CD99L2: variants seen among roughly 807,000 people sequenced by gnomAD.
CD99L2 encodes the protein CD99 antigen-like protein 2.
Under a neutral mutation model 27.3 loss-of-function variants are expected in CD99L2, and 24 were observed. The observed-to-expected ratio is 0.88, with a 90% CI of 0.64 to 1.24. The LOEUF is 1.24. Ranked by LOEUF, CD99L2 falls within the 50% of genes most tolerant of loss-of-function variation. The probability of loss-of-function intolerance (pLI) is 0.00; values close to 1 mark genes in which losing one functional copy is unlikely to be tolerated. For synonymous variants in CD99L2, 97 were observed against 87.9 expected (o/e 1.10, Z -0.58); for missense variants, 255 against 221.6 (o/e 1.15, Z -0.96).
At position 150,795,414 on chromosome X, in the gene CD99L2, T is replaced by A. The variant is rs1557419878; in HGVS notation, c.346+4A>T. The stretch of plus-strand genomic sequence containing the variant: ...TACTACTCTCCTCAGAGCGGCCACC[T>A]TACCTAAAGTATTTGCTGGAGCTCT... On this transcript the variant is annotated splice_donor_region_variant and intron_variant, in intron 5 of 10. Transcript: ENST00000370377. The A allele has an allele frequency of 8.3e-7, 1 of 1,211,557 alleles. No homozygotes were observed. Among genetic ancestry groups the A allele is most frequent in the Admixed American group, 2.2e-5 (1 of 46,040 alleles).
intron 2 of CD99L2, chrX:150,818,875 G>C: frequency 2.6e-6 from 1 of 379,011 alleles, no homozygotes; most frequent in South Asian, 2.4e-5. Flanking sequence ...TCTGAGCACT[G>C]GAGAGAAAGG....
At chrX:150,847,453 G>A (rs1296748935) in intron 1 of CD99L2, among the ~76,000 whole-genome samples, 3 of 111,650 alleles carry the variant, frequency 2.7e-5, no homozygotes, top group African/African-American at 9.8e-5. Context: ...AATTTGGGAA[G>A]TATCATTCCA....
At chrX:150,878,638 C>CT (rs200661422) in intron 1 of CD99L2, among the ~76,000 whole-genome samples, 14 of 110,760 alleles carry the variant, frequency 1.3e-4, no homozygotes, top group Admixed American at 4.8e-4. Flanking sequence ...TCCCAACGGA[C>CT]TTTTTTTAAA....
At chrX:150,884,996 GA>G (rs1189981823) in intron 1 of CD99L2, among the ~76,000 whole-genome samples, 1 of 112,288 alleles carries the variant, frequency 8.9e-6, no homozygotes, top group African/African-American at 3.2e-5. Context: ...AATGTTGGGG[GA>G]AAGACAAAAC....
At chrX:150,859,365 G>A (rs1406918039) in intron 1 of CD99L2, among the ~76,000 whole-genome samples, 2 of 110,966 alleles carry the variant, frequency 1.8e-5, no homozygotes, top group African/African-American at 6.5e-5. Flanking sequence ...CAGGCATGGT[G>A]GCACGCAGCT....
At chrX:150,781,159 G>A (rs782783774) in intron 7 of CD99L2, among the ~76,000 whole-genome samples, 2 of 112,097 alleles carry the variant, frequency 1.8e-5, no homozygotes, top group South Asian at 7.4e-4. Context: ...ATAATATAAT[G>A]TAACCACTGA....
chrX:150,863,551 T>C (rs1439738075), intron 1 of CD99L2, among the ~76,000 whole-genome samples: 2 of 111,897 alleles, frequency 1.8e-5, no homozygotes, highest in African/African-American at 3.2e-5. Context: ...TGGCTCATGA[T>C]TGGGGCATGA....
intron 1 of CD99L2, among the ~76,000 whole-genome samples, chrX:150,852,715 T>C (rs2046811911): frequency 9.0e-6 from 1 of 110,734 alleles, no homozygotes; most frequent in South Asian, 3.9e-4. Flanking sequence ...ATCCAGTACA[T>C]GCTCTTTCAT....
intron 2 of CD99L2, among the ~76,000 whole-genome samples, chrX:150,820,499 T>A (rs1449982054): frequency 2.7e-5 from 3 of 111,795 alleles, no homozygotes; most frequent in African/African-American, 9.7e-5. Flanking sequence ...GTTAACTTCC[T>A]AGAAATAAAA....
rs1287261403 is a variant in CD99L2, at chrX:150,771,748, A to G, written c.656-1379T>C. The G allele has an allele frequency of 2.6e-6, 3 of 1,132,999 alleles. No homozygotes were observed. The East Asian group carries it at 9.8e-5, about 37-fold the overall frequency. The allele number at this position is 1,132,999 out of a possible 1,213,427, so 93.4% of individuals were successfully genotyped here. On this transcript the variant is annotated intron_variant, in intron 9 of 10. Transcript: ENST00000370377. ...AAGGAAGCGCCAGAGCAGGGGGCGA[A>G]TGAGGAAGCATCAAGGCTGAAGCAA...
chrX:150,854,004 C>T (rs1245640897), intron 1 of CD99L2, among the ~76,000 whole-genome samples: 1 of 111,489 alleles, frequency 9.0e-6, no homozygotes, highest in Non-Finnish European at 1.9e-5. Flanking sequence ...GTCAGATAGG[C>T]AAGATGTACC....
At chrX:150,789,498 G>T (rs1017588127) in intron 7 of CD99L2, among the ~76,000 whole-genome samples, 1 of 111,898 alleles carries the variant, frequency 8.9e-6, no homozygotes, top group Non-Finnish European at 1.9e-5. Flanking sequence ...CCAAATCTGT[G>T]GCTTGTCTTT....
At chrX:150,780,649 A>C (rs1369157491) in intron 7 of CD99L2, among the ~76,000 whole-genome samples, 1 of 111,597 alleles carries the variant, frequency 9.0e-6, no homozygotes, top group African/African-American at 3.3e-5. Flanking sequence ...AAATATGCAG[A>C]AATATGCAGA....
rs782762483 is a variant in CD99L2, at chrX:150,782,311, CT to C, written c.497-4830del. ...CCCATAGTTACCAAGTCAAACTGAA[CT>C]GAAAAATCTACCAAAACATGGCTGC... On this transcript the variant is annotated intron_variant, in intron 7 of 10. Transcript: ENST00000370377. 4.5e-5 allele frequency among the ~76,000 whole-genome samples: 5 copies of C among 112,046 alleles called. No individual in the cohort carries two copies. The Admixed American group carries it at 4.7e-4, about 11-fold the overall frequency.
At chrX:150,816,871 A>G (rs1557420507) in intron 2 of CD99L2, among the ~76,000 whole-genome samples, 2 of 110,280 alleles carry the variant, frequency 1.8e-5, no homozygotes, top group African/African-American at 6.6e-5. Flanking sequence ...ACAGCCATAG[A>G]AAAGGGTGAG....
chrX:150,869,369 G>A (rs1343869370), intron 1 of CD99L2, among the ~76,000 whole-genome samples: 1 of 111,906 alleles, frequency 8.9e-6, no homozygotes, highest in Non-Finnish European at 1.9e-5. Context: ...CAGTCAATTC[G>A]ACCTAACAAA....
chrX:150,856,391 C>T (rs561453234), intron 1 of CD99L2, among the ~76,000 whole-genome samples: 2 of 111,674 alleles, frequency 1.8e-5, no homozygotes, highest in African/African-American at 6.5e-5. Context: ...TACCACATGC[C>T]GACTGGGCAC....
chrX:150,842,637 GT>G (rs1273970728), intron 1 of CD99L2, among the ~76,000 whole-genome samples: 1 of 112,257 alleles, frequency 8.9e-6, no homozygotes, highest in Non-Finnish European at 1.9e-5. Context: ...CCAGTTAAGT[GT>G]TTTTGTGTGT....
At chrX:150,851,438 T>C (rs782722707) in intron 1 of CD99L2, among the ~76,000 whole-genome samples, 9 of 112,106 alleles carry the variant, frequency 8.0e-5, no homozygotes, top group African/African-American at 1.3e-4. Context: ...GAGGCTCAGA[T>C]AGATGCAGCA....
Sources: gnomAD v4.1 joint callset for allele counts (sites outside exome capture counted in the v4.1 genomes callset) on GRCh38, gnomAD v4.1.1 for gene constraint, MANE v1.5 for transcripts, NCBI Gene and HGNC (gene_info 2026-07-23, HGNC 2026-07-21) for gene names.